PLCG2: variants seen among roughly 807,000 people sequenced by gnomAD.
PLCG2 encodes 1-phosphatidylinositol 4,5-bisphosphate phosphodiesterase gamma-2.
A neutral mutation model predicts 175.6 loss-of-function variants in PLCG2; 69 were observed. The observed-to-expected ratio is 0.39, with a 90% CI of 0.32 to 0.48. The LOEUF (loss-of-function observed/expected upper bound fraction) is 0.48. PLCG2 is among the 20% of genes least tolerant of loss of function. PLCG2 has a pLI of 0.91. For missense variants in PLCG2, 1,798 were observed against 1,650.9 expected (o/e 1.09, Z -1.54); for synonymous variants, 827 against 624.0 (o/e 1.33, Z -4.85).
At chr16:81,934,139 G>A (rs994457381) in intron 25 of PLCG2, among the ~76,000 whole-genome samples, 3 of 152,128 alleles carry the variant, frequency 2.0e-5, no homozygotes, top group African/African-American at 7.2e-5. Flanking sequence ...ACAGAGGGGT[G>A]GTGACAGAGA....
intron 2 of PLCG2, among the ~76,000 whole-genome samples, chr16:81,803,165 C>T (rs1312657145): frequency 1.4e-5 from 2 of 142,758 alleles, no homozygotes; most frequent in African/African-American, 2.6e-5. Context: ...GTCGCCCAGG[C>T]TGGAGTGCAG....
intron 2 of PLCG2, among the ~76,000 whole-genome samples, chr16:81,765,242 G>A (rs562559311): frequency 1.3e-5 from 2 of 152,372 alleles, no homozygotes; most frequent in African/African-American, 4.8e-5. Context: ...GATGGGGAGA[G>A]GCATCTGCAA....
chr16:81,877,837 G>T (rs1321393943), intron 7 of PLCG2, among the ~76,000 whole-genome samples: 1 of 151,320 alleles, frequency 6.6e-6, no homozygotes, highest in Non-Finnish European at 1.5e-5. Flanking sequence ...TCATTGCATC[G>T]CTCCTTGGCT....
Position 81,910,571 on chromosome 16 carries a change from G to T in PLCG2, c.1785G>T (p.Gly595=). Residue 595 remains glycine, a synonymous_variant, in exon 18 of 33, where the codon GGG becomes GGT. Transcript: ENST00000564138. ...HCRIRSTMEG[G]TLKYYLTDNL... is the part of the protein sequence containing the mutation. ...GGATCCGCTCCACCATGGAGGGCGG[G>T]ACCCTGAAATACTACTTGACTGACA... 1 of 1,614,154 alleles carries T rather than the reference G, an allele frequency of 6.2e-7. No individual in the cohort carries two copies. The highest frequency in any genetic ancestry group is 8.5e-7 in the Non-Finnish European group (1 of 1,180,016).
At chr16:81,888,332 T>A (rs1005773867) in intron 9 of PLCG2, among the ~76,000 whole-genome samples, 2 of 152,046 alleles carry the variant, frequency 1.3e-5, no homozygotes, top group Non-Finnish European at 2.9e-5. Context: ...TGCCTCAGCC[T>A]CCTGAGTAGC....
chr16:81,831,608 G>C (rs1173824696), intron 2 of PLCG2, among the ~76,000 whole-genome samples: 1 of 152,172 alleles, frequency 6.6e-6, no homozygotes, highest in African/African-American at 2.4e-5. Flanking sequence ...CTGGGAAAGA[G>C]GGAGGCAGGT....
chr16:81,851,329 C>T (rs1435748529), intron 2 of PLCG2, among the ~76,000 whole-genome samples: 1 of 152,190 alleles, frequency 6.6e-6, no homozygotes, highest in Non-Finnish European at 1.5e-5. Context: ...ATTAATGAAA[C>T]TGCAGATCTT....
At chr16:81,786,288 T>C in intron 2 of PLCG2, 106 bp downstream of exon 2, 1 of 910,592 alleles carries the variant, frequency 1.1e-6, no homozygotes, top group Non-Finnish European at 1.7e-6. Flanking sequence ...GTTGGTTTGA[T>C]GTGTTCTTTT....
chr16:81,854,651 C>T, intron 3 of PLCG2, 64 bp downstream of exon 3: 1 of 1,469,674 alleles, frequency 6.8e-7, no homozygotes, highest in Non-Finnish European at 9.5e-7. Flanking sequence ...AAGAAGTTCG[C>T]TAATAGCAGA....
intron 7 of PLCG2, among the ~76,000 whole-genome samples, chr16:81,871,361 T>G (rs971418340): frequency 2.6e-5 from 4 of 152,196 alleles, no homozygotes; most frequent in Non-Finnish European, 2.9e-5. Flanking sequence ...TGTTTTGAGA[T>G]AGAGTCTCAC....
rs1466611629 is a variant in PLCG2, at chr16:81,937,784, T to C, written c.3079T>C (p.Leu1027=). The change falls in exon 28 of 33, where the codon TTG becomes CTG. Residue 1027 remains leucine, a synonymous_variant. Transcript: ENST00000564138. The part of the protein sequence containing the change: ...ADKYMQMNHA[L]FSLNGRTGYV... ...TAAGTACATGCAGATGAATCACGCATTGTTTTCTCTCAATGGGCGCACGGG... is the reference window on the plus strand; with the variant it reads ...TAAGTACATGCAGATGAATCACGCACTGTTTTCTCTCAATGGGCGCACGGG... 4 of 1,613,942 alleles carry C rather than the reference T, an allele frequency of 2.5e-6. No individual in the cohort carries two copies. Among genetic ancestry groups the C allele is most frequent in the Non-Finnish European group, 3.4e-6 (4 of 1,179,980 alleles).
chr16:81,785,705 C>G (rs1418820527), intron 1 of PLCG2: 2 of 289,052 alleles, frequency 6.9e-6, no homozygotes, highest in Non-Finnish European at 1.3e-5. Flanking sequence ...TTATTCAAAG[C>G]CCACGTAACG....
intron 32 of PLCG2, 29 bp downstream of exon 32, chr16:81,956,908 T>C (rs1303418889): frequency 6.3e-7 from 1 of 1,593,492 alleles, no homozygotes; most frequent in South Asian, 1.1e-5. Flanking sequence ...CTGCAAAAAC[T>C]TTTGGGGGGT....
At chr16:81,795,997 C>G (rs567750821) in intron 2 of PLCG2, among the ~76,000 whole-genome samples, 76 of 152,306 alleles carry the variant, frequency 5.0e-4, no homozygotes, top group Non-Finnish European at 8.4e-4. Context: ...TCTGTAACCC[C>G]TAATTTTGGA....
chr16:81,812,223 G>C (rs1195458630), intron 2 of PLCG2, among the ~76,000 whole-genome samples: 2 of 151,728 alleles, frequency 1.3e-5, no homozygotes, highest in African/African-American at 4.8e-5. Context: ...CTAATTTTTT[G>C]TATTTTTAGT....
chr16:81,906,502 A>G (rs1909376692), intron 15 of PLCG2: 1 of 152,196 alleles, frequency 6.6e-6, no homozygotes. Flanking sequence ...TTAGCTCACC[A>G]CAGACTCCAC....
chr16:81,876,646 G>C (rs1328508026), intron 7 of PLCG2, among the ~76,000 whole-genome samples: 1 of 152,206 alleles, frequency 6.6e-6, no homozygotes, highest in Non-Finnish European at 1.5e-5. Context: ...TCCAGTAAAT[G>C]TGTGCGTGAC....
intron 12 of PLCG2, 25 bp from the exon 13 acceptor site, chr16:81,895,782 G>C (rs1312730785): frequency 1.9e-6 from 3 of 1,613,920 alleles, no homozygotes; most frequent in Admixed American, 1.7e-5. Flanking sequence ...ACGTGGTATT[G>C]AGGCTGCCGC....
chr16:81,876,743 CAG>C (rs1907810141), intron 7 of PLCG2, among the ~76,000 whole-genome samples: 1 of 152,202 alleles, frequency 6.6e-6, no homozygotes, highest in African/African-American at 2.4e-5. Flanking sequence ...GGATGTTGCC[CAG>C]AGTGACATAA....
Sources: gnomAD v4.1 joint callset for allele counts (sites outside exome capture counted in the v4.1 genomes callset) on GRCh38, gnomAD v4.1.1 for gene constraint, MANE v1.5 for transcripts, NCBI Gene and HGNC (gene_info 2026-07-23, HGNC 2026-07-21) for gene names.